ENOX1: variants seen among roughly 807,000 people sequenced by gnomAD.
The protein encoded by ENOX1 is ecto-NOX disulfide-thiol exchanger 1.
In ENOX1, 42 loss-of-function variants were observed where a neutral mutation model predicts 82.5. That is an observed-to-expected ratio of 0.51 (90% CI 0.40 to 0.66). ENOX1 has a LOEUF of 0.66. ENOX1 is among the 30% of genes least tolerant of loss of function. The pLI, the probability that ENOX1 is intolerant of heterozygous loss-of-function variation, is 0.00. For missense variants in ENOX1, 608 were observed against 811.6 expected, an observed-to-expected ratio of 0.75 and a Z score of 3.05; for synonymous variants, 271 against 282.2, an observed-to-expected ratio of 0.96 and a Z score of 0.40.
intron 16 of ENOX1, among the ~76,000 whole-genome samples, chr13:43,221,344 G>A (rs575145066): frequency 6.6e-6 from 1 of 152,298 alleles, no homozygotes; most frequent in East Asian, 1.9e-4. Flanking sequence ...GTTTCTTCTG[G>A]GCTGCTTCGG....
intron 2 of ENOX1, among the ~76,000 whole-genome samples, chr13:43,566,671 C>T (rs902063461): frequency 6.6e-6 from 1 of 151,142 alleles, no homozygotes; most frequent in South Asian, 2.1e-4. Flanking sequence ...AAGCTAAGAA[C>T]TTTGAGTTAT....
intron 3 of ENOX1, among the ~76,000 whole-genome samples, chr13:43,449,039 A>C (rs1051857412): frequency 1.3e-5 from 2 of 152,228 alleles, no homozygotes; most frequent in Non-Finnish European, 2.9e-5. Flanking sequence ...TGTTTGTTGA[A>C]TGAAGATGGG....
At chr13:43,342,535 G>A (rs2049127714) in intron 9 of ENOX1, among the ~76,000 whole-genome samples, 1 of 152,164 alleles carries the variant, frequency 6.6e-6, no homozygotes, top group Admixed American at 6.5e-5. Flanking sequence ...CAGGAGACAG[G>A]ATCTTGCTGG....
chr13:43,470,335 T>C (rs1210403707), intron 3 of ENOX1, among the ~76,000 whole-genome samples: 5 of 36,338 alleles, frequency 1.4e-4, no homozygotes, highest in African/African-American at 1.9e-4. Context: ...TATATGTATA[T>C]ATATACGTAT....
intron 7 of ENOX1, among the ~76,000 whole-genome samples, chr13:43,356,920 C>A (rs2099750228): frequency 1.3e-5 from 2 of 151,920 alleles, no homozygotes; most frequent in African/African-American, 4.8e-5. Context: ...GTGCAAGAGC[C>A]CAGAGCTAGA....
At chr13:43,540,275 T>G (rs569691194) in intron 2 of ENOX1, among the ~76,000 whole-genome samples, 58 of 152,312 alleles carry the variant, frequency 3.8e-4, no homozygotes, top group African/African-American at 1.4e-3. Context: ...AGCATCAACT[T>G]CAAACATGTA....
intron 5 of ENOX1, among the ~76,000 whole-genome samples, chr13:43,402,351 A>T (rs1183272585): frequency 1.3e-5 from 2 of 152,210 alleles, no homozygotes; most frequent in Non-Finnish European, 2.9e-5. Flanking sequence ...AGACAGTCTA[A>T]GGACCAAGTA....
At chr13:43,721,535 C>T (rs927323879) in intron 1 of ENOX1, among the ~76,000 whole-genome samples, 6 of 149,306 alleles carry the variant, frequency 4.0e-5, no homozygotes, top group Non-Finnish European at 7.4e-5. Flanking sequence ...CCCGCCACTA[C>T]GCCCGGCTAA....
At chr13:43,408,245 T>C (rs1213895364) in intron 5 of ENOX1, among the ~76,000 whole-genome samples, 1 of 152,212 alleles carries the variant, frequency 6.6e-6, no homozygotes, top group Non-Finnish European at 1.5e-5. Flanking sequence ...GAAATCCTTT[T>C]GATAAAATCA....
intron 2 of ENOX1, among the ~76,000 whole-genome samples, chr13:43,608,552 A>G (rs1357114543): frequency 1.3e-5 from 2 of 152,162 alleles, no homozygotes; most frequent in Non-Finnish European, 2.9e-5. Context: ...GGCCACAACA[A>G]TAAGCACAGC....
intron 11 of ENOX1, among the ~76,000 whole-genome samples, chr13:43,304,784 C>A (rs1248493046): frequency 6.6e-6 from 1 of 152,184 alleles, no homozygotes; most frequent in African/African-American, 2.4e-5. Flanking sequence ...CCACTAATCC[C>A]AGAGCTCAAG....
intron 2 of ENOX1, among the ~76,000 whole-genome samples, chr13:43,519,354 C>T (rs565580360): frequency 3.3e-5 from 5 of 152,084 alleles, no homozygotes; most frequent in African/African-American, 1.2e-4. Flanking sequence ...TAATCACATG[C>T]CTGCTTAAAA....
At chr13:43,366,343 C>T (rs2050845745) in intron 5 of ENOX1, among the ~76,000 whole-genome samples, 1 of 151,968 alleles carries the variant, frequency 6.6e-6, no homozygotes, top group African/African-American at 2.4e-5. Flanking sequence ...GGCACAATCT[C>T]AGCTCACTGC....
chr13:43,755,687 T>G (rs2153833167), intron 1 of ENOX1, among the ~76,000 whole-genome samples: 1 of 152,308 alleles, frequency 6.6e-6, no homozygotes, highest in East Asian at 1.9e-4. Context: ...CCTCCCACAC[T>G]TTTCTCCTCT....
At chr13:43,443,539 T>C (rs766524231) in intron 3 of ENOX1, among the ~76,000 whole-genome samples, 3 of 152,210 alleles carry the variant, frequency 2.0e-5, no homozygotes, top group Non-Finnish European at 4.4e-5. Context: ...GCCTGCGTGA[T>C]GCAAGGTGAA....
chr13:43,405,988 A>T (rs536129600), intron 5 of ENOX1, among the ~76,000 whole-genome samples: 71 of 152,362 alleles, frequency 4.7e-4, no homozygotes, highest in Admixed American at 1.2e-3. Context: ...AAAGCATGAC[A>T]GTAAGGTCTA....
At chr13:43,393,527 C>A (rs770219578) in intron 5 of ENOX1, among the ~76,000 whole-genome samples, 1 of 151,998 alleles carries the variant, frequency 6.6e-6, no homozygotes, top group African/African-American at 2.4e-5. Context: ...AGAGGCTCAT[C>A]ATTAGGCAGA....
intron 1 of ENOX1, among the ~76,000 whole-genome samples, chr13:43,675,272 T>C (rs73186153): frequency 0.14 from 20,731 of 151,826 alleles, 1,862 homozygotes; most frequent in East Asian, 0.33. Flanking sequence ...GATGGACAGA[T>C]TGGATGTAGG....
chr13:43,676,783 G>A (rs564573122), intron 1 of ENOX1, among the ~76,000 whole-genome samples: 195 of 152,268 alleles, frequency 1.3e-3, no homozygotes, highest in Middle Eastern at 6.8e-3. Flanking sequence ...TAGCTGGTCC[G>A]TTGCACCCTG....
Sources: gnomAD v4.1 joint callset for allele counts (sites outside exome capture counted in the v4.1 genomes callset) on GRCh38, gnomAD v4.1.1 for gene constraint, MANE v1.5 for transcripts, NCBI Gene and HGNC (gene_info 2026-07-23, HGNC 2026-07-21) for gene names.